The following SORCS3 variants were observed in gnomAD, a reference collection of about 807,000 sequenced individuals.
SORCS3 encodes VPS10 domain-containing receptor SorCS3.
A neutral mutation model predicts 146.3 loss-of-function variants in SORCS3; 57 were observed. The ratio of observed to expected loss-of-function variants is 0.39; its 90% confidence interval spans 0.31 to 0.49. The LOEUF is 0.49. Among genes scored for constraint, SORCS3 ranks in the 20% least tolerant of loss-of-function variants. The pLI, the probability that SORCS3 is intolerant of heterozygous loss-of-function variation, is 0.92. For missense variants in SORCS3, 1,341 were observed against 1,575.5 expected (o/e 0.85, Z 2.52); for synonymous variants, 653 against 618.5 (o/e 1.06, Z -0.83).
At chr10:104,995,133 T>C (rs1315347203) in intron 4 of SORCS3, among the ~76,000 whole-genome samples, 1 of 151,808 alleles carries the variant, frequency 6.6e-6, no homozygotes, top group Admixed American at 6.6e-5. Context: ...TTTTCTTTTT[T>C]CTTTTTCTTT....
At chr10:104,846,550 T>C (rs901401788) in intron 2 of SORCS3, among the ~76,000 whole-genome samples, 1 of 152,238 alleles carries the variant, frequency 6.6e-6, no homozygotes, top group African/African-American at 2.4e-5. Flanking sequence ...TGCAATGTGA[T>C]ATAATTATCT....
intron 5 of SORCS3, among the ~76,000 whole-genome samples, chr10:105,045,965 T>C (rs2055369218): frequency 6.6e-6 from 1 of 152,180 alleles, no homozygotes; most frequent in South Asian, 2.1e-4. Flanking sequence ...GTCTGATTTA[T>C]TGCCAAGAAT....
rs559940490 is a variant in SORCS3, at chr10:104,730,490, T to C, written c.627+88536T>C. Among the ~76,000 whole-genome samples, 3 of 152,308 alleles carry C rather than the reference T, an allele frequency of 2.0e-5. No homozygotes were observed. In the South Asian group the frequency reaches 6.2e-4, roughly 32 times the overall value. On this transcript the variant is annotated intron_variant, in intron 1 of 26. Coordinates refer to ENST00000369701, the MANE Select transcript of SORCS3 (RefSeq NM_014978.3). ...CTAGGAGCTGTCAGTGTAAGTCCTATACCAGCCACTGACCAGATAGGACAT... is the reference window on the plus strand; with the variant it reads ...CTAGGAGCTGTCAGTGTAAGTCCTACACCAGCCACTGACCAGATAGGACAT...
chr10:104,882,928 T>C (rs1019700688), intron 2 of SORCS3, among the ~76,000 whole-genome samples: 2 of 152,234 alleles, frequency 1.3e-5, no homozygotes, highest in African/African-American at 2.4e-5. Context: ...TGCTGCTGAT[T>C]TTTGGTGAAG....
intron 7 of SORCS3, among the ~76,000 whole-genome samples, chr10:105,123,224 C>T (rs1460502987): frequency 6.6e-6 from 1 of 152,220 alleles, no homozygotes; most frequent in African/African-American, 2.4e-5. Context: ...GTCATCTTTG[C>T]AGAACTTAGA....
intron 2 of SORCS3, among the ~76,000 whole-genome samples, chr10:104,849,396 A>G (rs1282073725): frequency 7.0e-6 from 1 of 142,278 alleles, no homozygotes; most frequent in Non-Finnish European, 1.5e-5. Flanking sequence ...TAGGCAACAG[A>G]GCGAGACTCC....
chr10:105,140,897 T>G (rs1469173120), intron 8 of SORCS3, among the ~76,000 whole-genome samples: 1 of 152,070 alleles, frequency 6.6e-6, no homozygotes, highest in Non-Finnish European at 1.5e-5. Flanking sequence ...CATCAGATAT[T>G]CTAAACCCAA....
At chr10:105,058,952 A>G (rs1348221837) in intron 5 of SORCS3, among the ~76,000 whole-genome samples, 1 of 152,152 alleles carries the variant, frequency 6.6e-6, no homozygotes, top group Admixed American at 6.5e-5. Context: ...GTACCCCACA[A>G]CTTTGCACAA....
chr10:105,067,571 CTTT>C (rs2055530603), intron 5 of SORCS3, among the ~76,000 whole-genome samples: 1 of 152,200 alleles, frequency 6.6e-6, no homozygotes, highest in Non-Finnish European at 1.5e-5. Flanking sequence ...ACTCAGGTGA[CTTT>C]CCTGTTTGCC....
chr10:104,738,041 C>T (rs985233702), intron 1 of SORCS3, among the ~76,000 whole-genome samples: 1 of 151,840 alleles, frequency 6.6e-6, no homozygotes, highest in African/African-American at 2.4e-5. Context: ...GAATCCTTTC[C>T]CCATTGCTTG....
intron 1 of SORCS3, among the ~76,000 whole-genome samples, chr10:104,829,322 A>G (rs1413276592): frequency 6.6e-6 from 1 of 152,154 alleles, no homozygotes; most frequent in Non-Finnish European, 1.5e-5. Context: ...ATTAAGGGAA[A>G]ATCAGTTCTG....
At position 104,837,309 on chromosome 10, in the gene SORCS3, A is replaced by G. The variant is rs1319366578; in HGVS notation, c.628-5483A>G. ...TATGAACAGTGTTATTTCAAATAAG[A>G]TGTCAGATGCCAATTTAAAATAGTT... On this transcript the variant is annotated intron_variant, in intron 1 of 26. Transcript: ENST00000369701. Among the ~76,000 whole-genome samples the G allele has an allele frequency of 4.6e-5, 7 of 152,320 alleles. No individual in the cohort carries two copies. In the East Asian group the frequency reaches 1.3e-3, roughly 29 times the overall value.
At chr10:104,796,639 T>TA (rs1428598054) in intron 1 of SORCS3, among the ~76,000 whole-genome samples, 4 of 152,192 alleles carry the variant, frequency 2.6e-5, no homozygotes, top group Non-Finnish European at 4.4e-5. Context: ...TAATTATAGT[T>TA]AAAAAAGAAT....
intron 3 of SORCS3, among the ~76,000 whole-genome samples, chr10:104,970,112 T>C (rs1293709355): frequency 1.3e-5 from 2 of 152,118 alleles, no homozygotes; most frequent in Non-Finnish European, 2.9e-5. Flanking sequence ...GTACATGATA[T>C]GGAGCAAGTG....
chr10:104,835,036 C>G (rs2133540237), intron 1 of SORCS3, among the ~76,000 whole-genome samples: 1 of 152,150 alleles, frequency 6.6e-6, no homozygotes, highest in Non-Finnish European at 1.5e-5. Flanking sequence ...GTCTCTTGTA[C>G]TATTAATAAT....
chr10:105,009,740 C>CT (rs140351593), intron 4 of SORCS3, among the ~76,000 whole-genome samples: 21 of 149,838 alleles, frequency 1.4e-4, no homozygotes, highest in South Asian at 4.2e-4. Context: ...CACTTTTTCA[C>CT]TTTTTTTTTC....
chr10:105,229,708 T>A lies in SORCS3; in HGVS notation c.2868+6459T>A, dbSNP rs575215495. The stretch of plus-strand genomic sequence containing the variant: ...GGAAATTTTTTGCTGGGGACTGGGA[T>A]GTCAGGTGGGCCAGGGTCTGGGGTC... On this transcript the variant is annotated intron_variant, in intron 20 of 26. Coordinates refer to ENST00000369701, the MANE Select transcript of SORCS3 (RefSeq NM_014978.3). Among the ~76,000 whole-genome samples the A allele has an allele frequency of 2.0e-5, 3 of 152,264 alleles. No individual in the cohort carries two copies. In the East Asian group the frequency reaches 5.8e-4, roughly 29 times the overall value.
At chr10:105,007,572 G>A (rs2055104383) in intron 4 of SORCS3, among the ~76,000 whole-genome samples, 1 of 152,108 alleles carries the variant, frequency 6.6e-6, no homozygotes, top group Non-Finnish European at 1.5e-5. Context: ...GAAAGTGAGT[G>A]AAACAACAGA....
chr10:105,106,940 C>T (rs895475148), intron 7 of SORCS3, among the ~76,000 whole-genome samples: 6 of 152,286 alleles, frequency 3.9e-5, no homozygotes, highest in African/African-American at 1.4e-4. Context: ...CTGCCCTTGA[C>T]CTGCTTCTCT....
Sources: allele counts gnomAD v4.1 joint callset (sites outside exome capture counted in the v4.1 genomes callset), GRCh38; gene constraint gnomAD v4.1.1; transcripts MANE v1.5; gene names NCBI Gene and HGNC (gene_info 2026-07-23, HGNC 2026-07-21).